Variants in CDH1 observed in about 807,000 individuals in gnomAD.
CDH1 encodes cadherin 1, also known as cadherin-1.
In CDH1, 35 loss-of-function variants were observed where a neutral mutation model predicts 84.5. The observed-to-expected ratio is 0.41, with a 90% CI of 0.32 to 0.55. The LOEUF is 0.55. Among genes scored for constraint, CDH1 ranks in the 20% least tolerant of loss-of-function variants. The probability of loss-of-function intolerance (pLI) is 0.19; values close to 1 mark genes in which losing one functional copy is unlikely to be tolerated. For synonymous variants in CDH1, 417 were observed against 439.0 expected (o/e 0.95, Z 0.63); for missense variants, 994 against 1,126.6 (o/e 0.88, Z 1.68).
intron 10 of CDH1, among the ~76,000 whole-genome samples, chr16:68,817,966 C>T (rs760409973): frequency 2.2e-4 from 33 of 152,022 alleles, no homozygotes; most frequent in Non-Finnish European, 3.2e-4. Context: ...AGACTGGTCA[C>T]GGTGGCTCAC....
At chr16:68,774,436 C>T (rs1393118743) in intron 2 of CDH1, among the ~76,000 whole-genome samples, 1 of 152,068 alleles carries the variant, frequency 6.6e-6, no homozygotes, top group East Asian at 1.9e-4. Context: ...AGGATAATTG[C>T]TTGAACCCGG....
At chr16:68,777,540 T>TTTTTTTTTG (rs1959765356) in intron 2 of CDH1, among the ~76,000 whole-genome samples, 1 of 137,176 alleles carries the variant, frequency 7.3e-6, no homozygotes, top group African/African-American at 2.7e-5. Context: ...TTTCCTTTTT[T>TTTTTTTTTG]TTTTTTTTTT....
intron 2 of CDH1, among the ~76,000 whole-genome samples, chr16:68,769,299 A>G (rs1380200124): frequency 2.0e-5 from 3 of 152,154 alleles, no homozygotes; most frequent in Non-Finnish European, 2.9e-5. Context: ...TGTTTCATAC[A>G]GTTAGATTTA....
intron 8 of CDH1, among the ~76,000 whole-genome samples, chr16:68,812,804 G>A (rs1321025053): frequency 1.3e-5 from 2 of 152,268 alleles, no homozygotes; most frequent in Non-Finnish European, 2.9e-5. Context: ...AAGTTGAGAG[G>A]CCAAGGCTGG....
chr16:68,737,511 T>TCC, intron 1 of CDH1, 48 bp downstream of exon 1: 1 of 1,337,128 alleles, frequency 7.5e-7, no homozygotes, highest in Non-Finnish European at 9.8e-7. Context: ...GGCCGCAAGC[T>TCC]CCGCGCCCCA....
intron 2 of CDH1, 24 bp downstream of exon 2, chr16:68,738,435 C>CT: frequency 2.0e-6 from 3 of 1,498,924 alleles, no homozygotes; most frequent in Non-Finnish European, 2.7e-6. Context: ...GCCGGTGTCC[C>CT]TGGGCGGAGT....
chr16:68,759,725 A>T (rs1963114709), intron 2 of CDH1, among the ~76,000 whole-genome samples: 1 of 152,180 alleles, frequency 6.6e-6, no homozygotes, highest in Non-Finnish European at 1.5e-5. Context: ...TCCTCACCTC[A>T]GGTGATCTGC....
rs1962461173 is a variant in CDH1 at position 68,738,378 on chromosome 16, C to A, written c.130C>A (p.Arg44Ser). 1 of 1,550,864 alleles carries A rather than the reference C, an allele frequency of 6.4e-7. No homozygotes were observed. Among genetic ancestry groups the A allele is most frequent in the East Asian group, 2.4e-5 (1 of 40,942 alleles). The stretch of plus-strand genomic sequence containing the variant: ...GAGCTACACGTTCACGGTGCCCCGG[C>A]GCCACCTGGAGAGAGGCCGCGTCCT... ...AESYTFTVPR[R>S]HLERGRVLGR... The change falls in exon 2 of 16, where the codon CGC becomes AGC. Residue 44 changes from arginine (R) to serine (S), a missense_variant. By Grantham distance (110) the Arg-to-Ser change is moderately radical (BLOSUM62 -1). Transcript: ENST00000261769.
intron 3 of CDH1, among the ~76,000 whole-genome samples, chr16:68,806,122 A>ATATTTATT (rs200148272): frequency 0.025 from 3,596 of 144,394 alleles, 74 homozygotes; most frequent in Non-Finnish European, 0.033. Context: ...TAATTTTTGT[A>ATATTTATT]TATTTATTTA....
rs774761552 is a variant in CDH1 at position 68,738,289 on chromosome 16, C to A, written c.49-8C>A. ...CACCCGGTTCCATCTACCTTTCCCC[C>A]ACCCCAGGTCTCCTCTTGGCTCTGC... On this transcript the variant is annotated splice_polypyrimidine_tract_variant and splice_region_variant and intron_variant, in intron 1 of 15. Transcript: ENST00000261769. The A allele has an allele frequency of 6.5e-6, 10 of 1,532,306 alleles. No homozygotes were observed. The East Asian group carries it at 1.2e-4, about 19-fold the overall frequency. The allele number at this position is 1,532,306 out of a possible 1,614,324, so 94.9% of individuals were successfully genotyped here. A position where few individuals can be genotyped will look rare whatever the true frequency, so the allele number is the denominator to read the frequency against.
intron 2 of CDH1, among the ~76,000 whole-genome samples, chr16:68,745,172 TG>T (rs1320483441): frequency 6.6e-6 from 1 of 151,578 alleles, no homozygotes; most frequent in East Asian, 1.9e-4. Flanking sequence ...TGTCAGCTTC[TG>T]CTTGGCTTTT....
intron 2 of CDH1, among the ~76,000 whole-genome samples, chr16:68,759,859 G>A (rs531402481): frequency 1.6e-4 from 25 of 152,116 alleles, no homozygotes; most frequent in African/African-American, 6.0e-4. Flanking sequence ...AAGGAAAAGT[G>A]TGTACCGCCC....
chr16:68,832,751 C>T (rs1187439774), intron 15 of CDH1, among the ~76,000 whole-genome samples: 1 of 151,834 alleles, frequency 6.6e-6, no homozygotes, highest in Non-Finnish European at 1.5e-5. Flanking sequence ...ACCTGGGAGG[C>T]AGATGTTGCA....
At chr16:68,751,326 TC>T (rs1244092529) in intron 2 of CDH1, among the ~76,000 whole-genome samples, 1 of 152,118 alleles carries the variant, frequency 6.6e-6, no homozygotes, top group African/African-American at 2.4e-5. Flanking sequence ...CAACTTTGTT[TC>T]CTGGTTATAC....
intron 3 of CDH1, among the ~76,000 whole-genome samples, chr16:68,802,522 G>T (rs1960544264): frequency 6.6e-6 from 1 of 151,744 alleles, no homozygotes; most frequent in Non-Finnish European, 1.5e-5. Flanking sequence ...TGTGGCTCAG[G>T]CTGGAGTGCA....
At chr16:68,754,641 C>T (rs984491457) in intron 2 of CDH1, among the ~76,000 whole-genome samples, 2 of 152,258 alleles carry the variant, frequency 1.3e-5, no homozygotes, top group African/African-American at 2.4e-5. Flanking sequence ...ACTCACAGAA[C>T]AGTCTGTGAG....
At chr16:68,776,406 T>C (rs1959733834) in intron 2 of CDH1, among the ~76,000 whole-genome samples, 1 of 152,240 alleles carries the variant, frequency 6.6e-6, no homozygotes, top group East Asian at 1.9e-4. Context: ...CTGAGTGGCA[T>C]GCCTGGTGCA....
In CDH1 at chr16:68,811,697, G is replaced by A. The variant is rs200932258; in HGVS notation, c.846G>A (p.Met282Ile). ...MEGALPGTSV[M>I]EVTATDADDD... ...GAACTCTTCCAGGAACCTCTGTGAT[G>A]GAGGTCACAGCCACAGACGCGGACG... is the stretch of plus-strand genomic sequence containing the variant. Residue 282 changes from methionine to isoleucine, a missense_variant, in exon 7 of 16, where the codon ATG (methionine) becomes ATA (isoleucine). By Grantham distance (10) the Met-to-Ile change is conservative (BLOSUM62 1). Around this residue, in one of 3 missense-constraint regions of CDH1, gnomAD observed 769 missense variants for 881.8 expected, o/e 0.87. Transcript: ENST00000261769. 63 of 1,613,854 alleles carry A rather than the reference G, an allele frequency of 3.9e-5. No homozygotes were observed. The highest frequency in any genetic ancestry group is 5.0e-5 in the Admixed American group (3 of 59,974).
At chr16:68,792,913 A>G (rs1300804264) in intron 2 of CDH1, among the ~76,000 whole-genome samples, 1 of 152,216 alleles carries the variant, frequency 6.6e-6, no homozygotes, top group African/African-American at 2.4e-5. Context: ...CGTTGTTGAC[A>G]TCTGTTTTCA....
Sources: allele counts gnomAD v4.1 joint callset (sites outside exome capture counted in the v4.1 genomes callset), GRCh38; gene constraint gnomAD v4.1.1; regional missense constraint gnomAD v4.1.1; transcripts MANE v1.5; gene names NCBI Gene and HGNC (gene_info 2026-07-23, HGNC 2026-07-21).